MCCC1: variants seen among roughly 807,000 people sequenced by gnomAD.
MCCC1 encodes methylcrotonyl-CoA carboxylase subunit 1.
MCCC1 carries 64 observed loss-of-function variants against 83.8 expected under a neutral mutation model. That is an observed-to-expected ratio of 0.76 (90% confidence interval 0.62 to 0.94). MCCC1 has a LOEUF of 0.94. MCCC1 is among the 40% of genes least tolerant of loss of function. The probability of loss-of-function intolerance (pLI) is 0.00; values close to 1 mark genes in which losing one functional copy is unlikely to be tolerated. For missense variants in MCCC1, 807 were observed against 904.7 expected (o/e 0.89, Z 1.39); for synonymous variants, 322 against 315.4 (o/e 1.02, Z -0.22).
At position 183,077,140 on chromosome 3, in the gene MCCC1, T is replaced by C. The variant is rs1392805878; in HGVS notation, c.370-4653A>G. 4.6e-5 allele frequency among the ~76,000 whole-genome samples: 7 copies of C among 152,210 alleles called. No individual in the cohort carries two copies. In the South Asian group the frequency reaches 8.3e-4, roughly 18 times the overall value. On this transcript the variant is annotated intron_variant, in intron 4 of 18. Transcript: ENST00000265594. Reference sequence around the variant, plus strand: ...TGCATTTTATCTATCCACTCATCAGTTGATAGACATTTGCATTGTTCCTAC... The same window carrying C: ...TGCATTTTATCTATCCACTCATCAGCTGATAGACATTTGCATTGTTCCTAC...
At chr3:183,037,197 A>C in intron 13 of MCCC1, 21 bp downstream of exon 13, 4 of 1,611,308 alleles carry the variant, frequency 2.5e-6, no homozygotes, top group Non-Finnish European at 3.4e-6. Flanking sequence ...CAAGCAGAGG[A>C]AAGAGAAAAG....
At chr3:183,045,236 C>CTACA (rs1417029062) in intron 10 of MCCC1, among the ~76,000 whole-genome samples, 177 bp downstream of exon 10, 35 of 150,294 alleles carry the variant, frequency 2.3e-4, no homozygotes, top group Non-Finnish European at 4.5e-4. Flanking sequence ...CCCGGCACCA[C>CTACA]GCCCGGCTAA....
intron 14 of MCCC1, among the ~76,000 whole-genome samples, chr3:183,028,208 T>C (rs1279462241): frequency 6.6e-6 from 1 of 152,208 alleles, no homozygotes; most frequent in Non-Finnish European, 1.5e-5. Context: ...GAACAAAGCC[T>C]GGATGACAGC....
In MCCC1 at chr3:183,061,305, T is replaced by C. The variant is rs187179227; in HGVS notation, c.762-3883A>G. Among the ~76,000 whole-genome samples the C allele has an allele frequency of 2.0e-5, 3 of 152,290 alleles. No homozygotes were observed. The East Asian group carries it at 5.8e-4, about 29-fold the overall frequency. ...ATGGGAAGACTAAAGGGGGTTGTGG[T>C]TGGCTAACTACCTTCCCCCTGAACA... On this transcript the variant is annotated intron_variant, in intron 7 of 18. Transcript: ENST00000265594.
chr3:183,033,304 G>T (rs1339109951), intron 14 of MCCC1, among the ~76,000 whole-genome samples: 1 of 152,220 alleles, frequency 6.6e-6, no homozygotes, highest in African/African-American at 2.4e-5. Flanking sequence ...TACTGGAAAA[G>T]TGGTGGAAAC....
At chr3:183,080,231 A>G (rs547554445) in intron 4 of MCCC1, among the ~76,000 whole-genome samples, 2 of 152,314 alleles carry the variant, frequency 1.3e-5, no homozygotes, top group South Asian at 4.1e-4. Context: ...GTCAGGCTGC[A>G]CATTTTCTGA....
At position 183,037,199 on chromosome 3, in the gene MCCC1, A is replaced by G; in HGVS notation, c.1594+19T>C. ...TTGCAAAACTTGACAAGCAGAGGAA[A>G]GAGAAAAGCCTTCCATACCATGTGC... On this transcript the variant is annotated intron_variant, in intron 13 of 18. Coordinates refer to ENST00000265594, the MANE Select transcript of MCCC1 (RefSeq NM_020166.5). 3 of 1,611,762 alleles carry G rather than the reference A, an allele frequency of 1.9e-6. No individual in the cohort carries two copies. In the South Asian group the frequency reaches 3.3e-5, roughly 18 times the overall value.
upstream of MCCC1, chr3:183,099,578 C>T (rs1046357148): frequency 4.0e-6 from 4 of 1,009,994 alleles, no homozygotes; most frequent in Non-Finnish European, 5.9e-6. Context: ...TTGGGCTGAT[C>T]CAAGAATGTG....
At chr3:183,079,832 G>A (rs865794501) in intron 4 of MCCC1, among the ~76,000 whole-genome samples, 17 of 152,310 alleles carry the variant, frequency 1.1e-4, no homozygotes, top group Middle Eastern at 6.8e-3. Flanking sequence ...AAATCTAGGC[G>A]GAGGTTCCCA....
intron 10 of MCCC1, among the ~76,000 whole-genome samples, chr3:183,043,067 A>G (rs1372299651): frequency 6.6e-6 from 1 of 152,358 alleles, no homozygotes; most frequent in African/African-American, 2.4e-5. Flanking sequence ...AGGCAGGCGG[A>G]TCACCTGAGG....
At chr3:183,058,749 G>C (rs1252414574) in intron 7 of MCCC1, among the ~76,000 whole-genome samples, 14 of 152,038 alleles carry the variant, frequency 9.2e-5, no homozygotes, top group African/African-American at 3.4e-4. Context: ...GGCTAATATG[G>C]ACTATTTGGT....
At chr3:183,070,865 T>A in intron 7 of MCCC1, 134 bp downstream of exon 7, 3 of 1,084,084 alleles carry the variant, frequency 2.8e-6, no homozygotes, top group Non-Finnish European at 4.0e-6. Context: ...AGTGGTTACA[T>A]CACAGGACAG....
intron 15 of MCCC1, among the ~76,000 whole-genome samples, chr3:183,024,620 A>AC (rs1187016031): frequency 2.0e-5 from 3 of 151,336 alleles, no homozygotes; most frequent in Admixed American, 6.6e-5. Context: ...TTATAAAACA[A>AC]AAAAAAAACA....
chr3:183,106,960 T>TA (rs1023525252), intron 1 of MCCC1, among the ~76,000 whole-genome samples: 1 of 152,202 alleles, frequency 6.6e-6, no homozygotes, highest in Non-Finnish European at 1.5e-5. Context: ...CCTTTTTTTT[T>TA]ACCTCTAACT....
intron 9 of MCCC1, among the ~76,000 whole-genome samples, chr3:183,048,967 T>A (rs1455807090): frequency 1.3e-5 from 2 of 152,214 alleles, no homozygotes; most frequent in African/African-American, 4.8e-5. Context: ...TCCTAAGATA[T>A]TTGGATGTTA....
chr3:183,051,632 C>T (rs1466761290), intron 9 of MCCC1, among the ~76,000 whole-genome samples: 1 of 152,084 alleles, frequency 6.6e-6, no homozygotes, highest in Non-Finnish European at 1.5e-5. Flanking sequence ...ACAGAATGTA[C>T]AACACCAAGA....
At position 183,088,908 on chromosome 3, in the gene MCCC1, C is replaced by T. The variant is rs146869074; in HGVS notation, c.274-2120G>A. On this transcript the variant is annotated intron_variant, in intron 3 of 18. Coordinates refer to ENST00000265594, the MANE Select transcript of MCCC1 (RefSeq NM_020166.5). Reference sequence around the variant, plus strand: ...ATTTAATCATGTATCTCTTAATGCGCACTTAGGTTATAACGGCAAAAAACT... The same window carrying T: ...ATTTAATCATGTATCTCTTAATGCGTACTTAGGTTATAACGGCAAAAAACT... Among the ~76,000 whole-genome samples the T allele has an allele frequency of 3.3e-5, 5 of 152,234 alleles. No individual in the cohort carries two copies. In the East Asian group the frequency reaches 9.7e-4, roughly 29 times the overall value.
chr3:183,062,601 C>T (rs992308374), intron 7 of MCCC1, among the ~76,000 whole-genome samples: 8 of 152,122 alleles, frequency 5.3e-5, no homozygotes, highest in Non-Finnish European at 8.8e-5. Context: ...GCAATCTGCC[C>T]GCCATGGCCT....
At chr3:183,086,336 A>G (rs1269769733) in intron 4 of MCCC1, among the ~76,000 whole-genome samples, 2 of 152,164 alleles carry the variant, frequency 1.3e-5, no homozygotes, top group Non-Finnish European at 2.9e-5. Context: ...GGGTGGAAAT[A>G]TATTTCTTTC....
Sources: gnomAD v4.1 joint callset for allele counts (sites outside exome capture counted in the v4.1 genomes callset) on GRCh38, gnomAD v4.1.1 for gene constraint, MANE v1.5 for transcripts, NCBI Gene and HGNC (gene_info 2026-07-23, HGNC 2026-07-21) for gene names.